AGPAT5: variants seen among roughly 807,000 people sequenced by gnomAD.
AGPAT5 encodes the protein 1-acyl-sn-glycerol-3-phosphate acyltransferase epsilon.
A neutral mutation model predicts 45.6 loss-of-function variants in AGPAT5; 46 were observed. That is an observed-to-expected ratio of 1.01 (90% CI 0.80 to 1.29). The LOEUF (loss-of-function observed/expected upper bound fraction) is 1.29. Among genes scored for constraint, AGPAT5 ranks in the 50% most tolerant of loss-of-function variants. AGPAT5 has a pLI of 0.00. For missense variants in AGPAT5, 673 were observed against 450.7 expected, an observed-to-expected ratio of 1.49 and a Z score of -4.47; for synonymous variants, 272 against 167.0, an observed-to-expected ratio of 1.63 and a Z score of -4.85.
intron 3 of AGPAT5, 61 bp from the exon 4 acceptor site, chr8:6,732,500 T>C: frequency 1.4e-6 from 2 of 1,387,194 alleles, no homozygotes; most frequent in Admixed American, 5.3e-5. Context: ...GCCTTTTTGA[T>C]GACTCTGGCC....
intron 4 of AGPAT5, among the ~76,000 whole-genome samples, chr8:6,735,178 G>C (rs903723286): frequency 1.8e-4 from 27 of 152,202 alleles, no homozygotes; most frequent in African/African-American, 6.3e-4. Flanking sequence ...TCTTCACCCA[G>C]CCTCATCGAG....
intron 5 of AGPAT5, among the ~76,000 whole-genome samples, chr8:6,746,540 A>G (rs958434376): frequency 1.3e-5 from 2 of 152,214 alleles, no homozygotes; most frequent in East Asian, 3.8e-4. Context: ...AGGAAGTGTT[A>G]ACTAGTTTAA....
chr8:6,746,718 TC>T (rs1801480374), intron 5 of AGPAT5, among the ~76,000 whole-genome samples: 1 of 152,198 alleles, frequency 6.6e-6, no homozygotes, highest in African/African-American at 2.4e-5. Flanking sequence ...TGTGGGACAG[TC>T]CCACCATGTA....
In AGPAT5 at chr8:6,757,626, C is replaced by T. The variant is rs1405693552; in HGVS notation, c.*238C>T. On this transcript the variant is annotated 3_prime_UTR_variant, in exon 8 of 8. Transcript: ENST00000285518. Reference sequence around the variant, plus strand: ...GGGTAAAAGCTAAATGGAGTTTCTCCTGCTCTGTCCATTTCCTATGAACTA... The same window carrying T: ...GGGTAAAAGCTAAATGGAGTTTCTCTTGCTCTGTCCATTTCCTATGAACTA... 1 of 445,016 alleles carries T rather than the reference C, an allele frequency of 2.2e-6. No homozygotes were observed. Among genetic ancestry groups the T allele is most frequent in the Non-Finnish European group, 4.0e-6 (1 of 247,872 alleles). The allele number at this position is 445,016 out of a possible 1,614,324, so 27.6% of individuals were successfully genotyped here.
intron 4 of AGPAT5, among the ~76,000 whole-genome samples, chr8:6,734,420 G>A (rs555776370): frequency 3.3e-5 from 5 of 152,062 alleles, no homozygotes; most frequent in South Asian, 4.1e-4. Context: ...CTGCTACTGC[G>A]TGTTTCATTC....
At position 6,730,808 on chromosome 8, in the gene AGPAT5, T is replaced by C. The variant is rs1240672930; in HGVS notation, c.387T>C (p.Tyr129=). Residue 129 remains tyrosine (Y), a synonymous_variant, in exon 3 of 8, where the codon TAT becomes TAC. Coordinates refer to ENST00000285518, the MANE Select transcript of AGPAT5 (RefSeq NM_018361.5). The part of the protein sequence containing the change: ...LKEGLKWLPL[Y]GCYFAQHGGI... The stretch of plus-strand genomic sequence containing the variant: ...AAGGGTTAAAATGGCTGCCATTGTA[T>C]GGGTGTTACTTTGCTCAGGTAACTT... 1.2e-6 allele frequency: 2 copies of C among 1,612,646 alleles called. No individual in the cohort carries two copies. Among genetic ancestry groups the C allele is most frequent in the African/African-American group, 1.3e-5 (1 of 74,860 alleles).
chr8:6,713,650 C>A (rs1210659512), intron 1 of AGPAT5, among the ~76,000 whole-genome samples: 1 of 152,192 alleles, frequency 6.6e-6, no homozygotes, highest in Non-Finnish European at 1.5e-5. Flanking sequence ...TGCCCCCGGG[C>A]TCAAGCGGTC....
intron 1 of AGPAT5, among the ~76,000 whole-genome samples, chr8:6,712,259 T>A (rs577740059): frequency 2.0e-5 from 3 of 152,322 alleles, no homozygotes; most frequent in Admixed American, 2.0e-4. Context: ...AAGTAGAACA[T>A]TTGATTAACT....
chr8:6,710,914 T>C (rs1800135123), intron 1 of AGPAT5, among the ~76,000 whole-genome samples: 1 of 152,300 alleles, frequency 6.6e-6, no homozygotes, highest in South Asian at 2.1e-4. Context: ...TAGGACACTC[T>C]TTTTTTCTTG....
chr8:6,736,073 C>G (rs1396160498), intron 4 of AGPAT5, among the ~76,000 whole-genome samples: 1 of 152,010 alleles, frequency 6.6e-6, no homozygotes, highest in Non-Finnish European at 1.5e-5. Flanking sequence ...AGGCTGGTCT[C>G]GAACTCCTGA....
intron 4 of AGPAT5, among the ~76,000 whole-genome samples, chr8:6,736,494 C>A (rs1265135944): frequency 2.6e-5 from 4 of 152,174 alleles, no homozygotes; most frequent in Non-Finnish European, 4.4e-5. Flanking sequence ...TATTTCAGTG[C>A]CTAAAGTCTT....
chr8:6,720,849 C>T (rs1344088427), intron 1 of AGPAT5, among the ~76,000 whole-genome samples: 2 of 152,102 alleles, frequency 1.3e-5, no homozygotes, highest in Non-Finnish European at 1.5e-5. Flanking sequence ...TGGAAACAGC[C>T]ATGTGTCTCA....
chr8:6,734,771 TGAG>T lies in AGPAT5; in HGVS notation c.495+2125_495+2127del, dbSNP rs546618996. 5.3e-5 allele frequency among the ~76,000 whole-genome samples: 8 copies of T among 152,106 alleles called. No individual in the cohort carries two copies. In the South Asian group the frequency reaches 8.3e-4, roughly 16 times the overall value. On this transcript the variant is annotated intron_variant, in intron 4 of 7. Coordinates refer to ENST00000285518, the MANE Select transcript of AGPAT5 (RefSeq NM_018361.5). The stretch of plus-strand genomic sequence containing the variant: ...TGTCTTTCTGCTTGGCCTTTAGTGT[TGAG>T]GAGTGGAGTCAGTCCACTGAGGAGG...
chr8:6,722,498 A>G (rs977980123), intron 1 of AGPAT5, among the ~76,000 whole-genome samples: 3 of 152,232 alleles, frequency 2.0e-5, no homozygotes, highest in African/African-American at 7.2e-5. Flanking sequence ...AGAATGCTGT[A>G]TATTTATGTC....
At chr8:6,738,182 A>G (rs527474897) in intron 4 of AGPAT5, among the ~76,000 whole-genome samples, 1 of 151,930 alleles carries the variant, frequency 6.6e-6, no homozygotes, top group South Asian at 2.1e-4. Flanking sequence ...CTTGGCTTTC[A>G]ACATACCTTC....
chr8:6,716,176 A>G (rs10454358), intron 1 of AGPAT5, among the ~76,000 whole-genome samples: 4,133 of 152,316 alleles, frequency 0.027, 129 homozygotes, highest in East Asian at 0.13. Context: ...ATTTTAATGT[A>G]TGGATCATCT....
chr8:6,727,601 G>T (rs1000492481), intron 2 of AGPAT5, among the ~76,000 whole-genome samples: 2 of 152,168 alleles, frequency 1.3e-5, no homozygotes, highest in Admixed American at 6.5e-5. Context: ...GGCTGGTCTT[G>T]AACTCCTGAC....
chr8:6,710,365 C>G (rs1482980112), intron 1 of AGPAT5, among the ~76,000 whole-genome samples: 2 of 152,136 alleles, frequency 1.3e-5, no homozygotes, highest in African/African-American at 4.8e-5. Flanking sequence ...TCATTCCCCC[C>G]ACCGTCTGTT....
intron 1 of AGPAT5, among the ~76,000 whole-genome samples, chr8:6,723,542 T>C (rs1436692406): frequency 6.6e-6 from 1 of 152,028 alleles, no homozygotes; most frequent in Admixed American, 6.5e-5. Flanking sequence ...TTTAAATCAG[T>C]GCATACTCAA....
Sources: gnomAD v4.1 joint callset for allele counts (sites outside exome capture counted in the v4.1 genomes callset) on GRCh38, gnomAD v4.1.1 for gene constraint, MANE v1.5 for transcripts, NCBI Gene and HGNC (gene_info 2026-07-23, HGNC 2026-07-21) for gene names.